The following DOCK2 variants were observed in gnomAD, a reference collection of about 807,000 sequenced individuals.
DOCK2 encodes the protein dedicator of cytokinesis 2, also known as dedicator of cytokinesis protein 2.
Under a neutral mutation model 248.9 loss-of-function variants are expected in DOCK2, and 87 were observed. The ratio of observed to expected loss-of-function variants is 0.35; its 90% CI spans 0.29 to 0.42. DOCK2 has a LOEUF of 0.42. DOCK2 is among the 10% of genes least tolerant of loss of function. DOCK2 has a pLI of 1.00. For synonymous variants in DOCK2, 805 were observed against 821.6 expected, an observed-to-expected ratio of 0.98 and a Z score of 0.35; for missense variants, 1,747 against 2,300.2, an observed-to-expected ratio of 0.76 and a Z score of 4.92.
chr5:169,976,737 T>C (rs1019032812), intron 27 of DOCK2, among the ~76,000 whole-genome samples: 3 of 152,242 alleles, frequency 2.0e-5, no homozygotes, highest in African/African-American at 7.2e-5. Flanking sequence ...CCTGCGCTTC[T>C]GGCCCCTTGT....
In DOCK2 at chr5:169,870,468, G is replaced by T. The variant is rs538702922; in HGVS notation, c.2799+29616G>T. Among the ~76,000 whole-genome samples the T allele has an allele frequency of 7.9e-5, 12 of 152,228 alleles. No individual in the cohort carries two copies. The South Asian group carries it at 1.7e-3, about 21-fold the overall frequency. ...ATCTTGGCTGGGTAAACTGAAGTTG[G>T]GTGAGCCAAAAGGAGATAAAAATTG... On this transcript the variant is annotated intron_variant, in intron 27 of 51. Coordinates refer to ENST00000520908, the MANE Select transcript of DOCK2 (RefSeq NM_004946.3).
rs114791838 is a variant in DOCK2 at position 169,895,057 on chromosome 5, A to G, written c.2799+54205A>G. Among the ~76,000 whole-genome samples the G allele has an allele frequency of 3.9e-3, 593 of 152,212 alleles. 1 individual carries two copies. The highest frequency in any genetic ancestry group is 7.0e-3 in the Non-Finnish European group (473 of 68,000). On this transcript the variant is annotated intron_variant, in intron 27 of 51. Transcript: ENST00000520908. ...AGACCATTGCTGGAATCGATGTTGCATTCTGGGACTTAGGCTCTCTGCCTG... is the reference window on the plus strand; with the variant it reads ...AGACCATTGCTGGAATCGATGTTGCGTTCTGGGACTTAGGCTCTCTGCCTG...
intron 27 of DOCK2, among the ~76,000 whole-genome samples, chr5:169,928,011 C>T (rs911044340): frequency 6.6e-6 from 1 of 152,122 alleles, no homozygotes; most frequent in African/African-American, 2.4e-5. Context: ...CTCACAGATC[C>T]ATGTGTGTGT....
chr5:169,814,793 T>A (rs1045380193), intron 26 of DOCK2, among the ~76,000 whole-genome samples: 3 of 152,014 alleles, frequency 2.0e-5, no homozygotes, highest in Admixed American at 1.3e-4. Flanking sequence ...TATTTCTATG[T>A]GAAGGGAAAT....
intron 27 of DOCK2, chr5:169,875,135 A>G (rs1459068380): frequency 2.2e-6 from 1 of 450,176 alleles, no homozygotes; most frequent in East Asian, 7.0e-5. Flanking sequence ...GGTTGTCACA[A>G]AACTTTCTAG....
At chr5:169,883,632 TG>T in intron 27 of DOCK2, 1 of 1,551,480 alleles carries the variant, frequency 6.4e-7, no homozygotes, top group Non-Finnish European at 8.7e-7. Flanking sequence ...GAAAGCCCCC[TG>T]CCTTCTGGGA....
At chr5:169,788,663 G>C (rs892823445) in intron 25 of DOCK2, among the ~76,000 whole-genome samples, 1 of 152,142 alleles carries the variant, frequency 6.6e-6, no homozygotes, top group African/African-American at 2.4e-5. Flanking sequence ...TTTCCATTGG[G>C]ATGTCATCTT....
At chr5:170,059,166 A>C (rs754764561) in intron 44 of DOCK2, among the ~76,000 whole-genome samples, 7 of 93,106 alleles carry the variant, frequency 7.5e-5, no homozygotes, top group Non-Finnish European at 1.7e-4. Flanking sequence ...CTTAAGAAAA[A>C]GAAGAGCCCA....
In DOCK2 at chr5:170,041,189, C is replaced by A. The variant is rs200107997; in HGVS notation, c.3756+44C>A. 2.1e-5 allele frequency: 31 copies of A among 1,486,484 alleles called. No homozygotes were observed. In the East Asian group the frequency reaches 7.0e-4, roughly 34 times the overall value. 92.1% of individuals were successfully genotyped at this position (1,486,484 alleles called of 1,614,324 possible). A position where few individuals can be genotyped will look rare whatever the true frequency, so the allele number is the denominator to read the frequency against. On this transcript the variant is annotated intron_variant, in intron 37 of 51. Transcript: ENST00000520908. ...AAGGGCATTTATGCTGGGATCCTGA[C>A]AGGGCCTCACAGCAAGTTGAAGAGT...
chr5:170,008,582 A>T lies in DOCK2; in HGVS notation c.3158A>T (p.Asn1053Ile). 6.2e-7 allele frequency: 1 copy of T among 1,614,126 alleles called. No individual in the cohort carries two copies. Among genetic ancestry groups the T allele is most frequent in the Non-Finnish European group, 8.5e-7 (1 of 1,179,984 alleles). ...GAGCAGTTCTCACACGCCAAATACA[A>T]CAAAATCCTGAATAAGTAGGTTGCA... Reference protein sequence around the residue: ...QLEQFSHAKYNKILNKYGDMR... With the variant: ...QLEQFSHAKYIKILNKYGDMR... Residue 1053 changes from asparagine (N) to isoleucine (I), a missense_variant, in exon 31 of 52, where the codon AAC becomes ATC. Asn to Ile is a moderately radical substitution (Grantham distance 149). This residue lies in a region of DOCK2 where 858 missense variants were observed against 1,183.5 expected (regional missense o/e 0.72). Coordinates refer to ENST00000520908, the MANE Select transcript of DOCK2 (RefSeq NM_004946.3).
intron 50 of DOCK2, 169 bp downstream of exon 50, chr5:170,080,452 C>T (rs899787566): frequency 9.6e-7 from 1 of 1,041,510 alleles, no homozygotes; most frequent in African/African-American, 1.6e-5. Context: ...CCCACACCCA[C>T]CACTTCCTGG....
At position 169,740,842 on chromosome 5, in the gene DOCK2, T is replaced by C. The variant is rs1341502855; in HGVS notation, c.2268-6554T>C. ...CCACTGTGTATGTGTTTTGTTTTTG[T>C]TTTTGTTTTTGGAGACAGGGTCTCA... On this transcript the variant is annotated intron_variant, in intron 22 of 51. Transcript: ENST00000520908. Among the ~76,000 whole-genome samples the C allele has an allele frequency of 2.6e-5, 4 of 152,192 alleles. No individual in the cohort carries two copies. In the East Asian group the frequency reaches 7.7e-4, roughly 29 times the overall value.
chr5:170,048,742 G>A (rs1248793360), intron 40 of DOCK2, among the ~76,000 whole-genome samples: 1 of 152,334 alleles, frequency 6.6e-6, no homozygotes, highest in South Asian at 2.1e-4. Context: ...GGAACCTCAA[G>A]TGTCCCTGGA....
At chr5:169,680,221 C>G (rs1411267068) in intron 6 of DOCK2, among the ~76,000 whole-genome samples, 1 of 152,180 alleles carries the variant, frequency 6.6e-6, no homozygotes, top group Non-Finnish European at 1.5e-5. Context: ...GTCTTTTCTT[C>G]ATTTGTAAAA....
chr5:169,938,739 G>A (rs1290162317), intron 27 of DOCK2, among the ~76,000 whole-genome samples: 1 of 152,098 alleles, frequency 6.6e-6, no homozygotes, highest in Non-Finnish European at 1.5e-5. Context: ...TTCTTCATCA[G>A]TAGAAAATTA....
At chr5:169,806,681 C>G (rs1767382808) in intron 26 of DOCK2, among the ~76,000 whole-genome samples, 1 of 152,220 alleles carries the variant, frequency 6.6e-6, no homozygotes, top group Admixed American at 6.5e-5. Context: ...CACTGTCATG[C>G]CCACCTTTGA....
intron 27 of DOCK2, among the ~76,000 whole-genome samples, chr5:169,917,311 A>G (rs1774926740): frequency 6.6e-6 from 1 of 152,218 alleles, no homozygotes; most frequent in South Asian, 2.1e-4. Flanking sequence ...AAGTGTCAAT[A>G]AATACCAATG....
intron 32 of DOCK2, among the ~76,000 whole-genome samples, chr5:170,018,142 G>A (rs544129152): frequency 3.3e-5 from 5 of 152,326 alleles, no homozygotes. Context: ...TAAAGGCAGT[G>A]CAAGGAATCT....
In DOCK2 at chr5:169,878,763, G is replaced by C. The variant is rs536557675; in HGVS notation, c.2799+37911G>C. On this transcript the variant is annotated intron_variant, in intron 27 of 51. Transcript: ENST00000520908. ...GTGCTAGGATTAATGCTAAGGAGAA[G>C]TGAAGGGAGTGATTGGGGCCAAAAC... Among the ~76,000 whole-genome samples the C allele has an allele frequency of 2.0e-5, 3 of 152,342 alleles. No homozygotes were observed. In the East Asian group the frequency reaches 5.8e-4, roughly 29 times the overall value.
Sources: gnomAD v4.1 joint callset for allele counts (sites outside exome capture counted in the v4.1 genomes callset) on GRCh38, gnomAD v4.1.1 for gene constraint, gnomAD v4.1.1 regional missense constraint, MANE v1.5 for transcripts, NCBI Gene and HGNC (gene_info 2026-07-23, HGNC 2026-07-21) for gene names.